GPC6: variants seen among roughly 807,000 people sequenced by gnomAD.
GPC6 encodes the protein glypican 6.
GPC6 carries 14 observed loss-of-function variants against 55.2 expected under a neutral mutation model. The ratio of observed to expected loss-of-function variants is 0.25; its 90% confidence interval spans 0.17 to 0.40. GPC6 has a LOEUF of 0.40. Among genes scored for constraint, GPC6 ranks in the 10% least tolerant of loss-of-function variants. The probability of loss-of-function intolerance (pLI) is 1.00; values close to 1 mark genes in which losing one functional copy is unlikely to be tolerated. For synonymous variants in GPC6, 278 were observed against 259.6 expected (o/e 1.07, Z -0.68); for missense variants, 641 against 708.5 (o/e 0.90, Z 1.08).
intron 4 of GPC6, among the ~76,000 whole-genome samples, chr13:94,083,332 A>T (rs146934012): frequency 2.0e-5 from 3 of 152,164 alleles, no homozygotes; most frequent in Admixed American, 6.5e-5. Flanking sequence ...GTTAGCCAGG[A>T]TGGTCTCGAT....
chr13:94,227,048 GT>G (rs1232146066), intron 4 of GPC6, among the ~76,000 whole-genome samples: 2 of 152,162 alleles, frequency 1.3e-5, no homozygotes, highest in Non-Finnish European at 2.9e-5. Flanking sequence ...AATTCTCTGC[GT>G]GTCTACCTCC....
rs563159182 is a variant in GPC6, at chr13:93,805,046, ATTCT to A, written c.320-25101_320-25098del. On this transcript the variant is annotated intron_variant, in intron 2 of 8. Coordinates refer to ENST00000377047, the MANE Select transcript of GPC6 (RefSeq NM_005708.5). ...TACCTAGTAAGTACTTTAAAAATTT[ATTCT>A]TTCTTTAACAAAAAATTATAGCCAC... Among the ~76,000 whole-genome samples the A allele has an allele frequency of 3.2e-3, 486 of 152,324 alleles. 7 individuals carry two copies. The highest frequency in any genetic ancestry group is 0.011 in the African/African-American group (470 of 41,576).
chr13:94,191,399 C>T (rs1002234338), intron 4 of GPC6, among the ~76,000 whole-genome samples: 1 of 152,058 alleles, frequency 6.6e-6, no homozygotes, highest in Non-Finnish European at 1.5e-5. Flanking sequence ...TGTCTTGAGC[C>T]AGTGTCAAGT....
chr13:93,496,590 G>A (rs907229612), intron 1 of GPC6, among the ~76,000 whole-genome samples: 1 of 152,148 alleles, frequency 6.6e-6, no homozygotes, highest in Non-Finnish European at 1.5e-5. Context: ...AAATTTTAAA[G>A]CCTGGGGTTT....
At chr13:93,782,865 G>A (rs1885699465) in intron 2 of GPC6, among the ~76,000 whole-genome samples, 1 of 151,972 alleles carries the variant, frequency 6.6e-6, no homozygotes, top group African/African-American at 2.4e-5. Context: ...TAAGTTCTGG[G>A]TACATGAACA....
intron 3 of GPC6, among the ~76,000 whole-genome samples, chr13:93,861,841 A>G (rs1888822531): frequency 6.6e-6 from 1 of 151,664 alleles, no homozygotes; most frequent in Admixed American, 6.6e-5. Flanking sequence ...ACGTTATTTT[A>G]CATCTTCTGT....
At position 93,780,594 on chromosome 13, in the gene GPC6, TACACACACACAC is replaced by T. The variant is rs35134947; in HGVS notation, c.320-49534_320-49523del. On this transcript the variant is annotated intron_variant, in intron 2 of 8. Coordinates refer to ENST00000377047, the MANE Select transcript of GPC6 (RefSeq NM_005708.5). Reference sequence around the variant, plus strand: ...ACTTTATGGTTCACGATCACAAAAATACACACACACACACACACACACACACACACACACACA... The same window carrying T: ...ACTTTATGGTTCACGATCACAAAAATACACACACACACACACACACACACA... Among the ~76,000 whole-genome samples the T allele has an allele frequency of 1.0e-3, 147 of 143,932 alleles. 5 individuals carry two copies. The South Asian group carries it at 0.032, about 31-fold the overall frequency. 94.4% of individuals were successfully genotyped at this position (143,932 alleles called of 152,430 possible).
At chr13:93,330,672 C>T (rs547282826) in intron 1 of GPC6, among the ~76,000 whole-genome samples, 1 of 152,328 alleles carries the variant, frequency 6.6e-6, no homozygotes, top group East Asian at 1.9e-4. Flanking sequence ...ACCCCAGCTC[C>T]TTTCTTCCCA....
At chr13:94,090,619 G>C (rs1885446180) in intron 4 of GPC6, among the ~76,000 whole-genome samples, 1 of 152,024 alleles carries the variant, frequency 6.6e-6, no homozygotes, top group South Asian at 2.1e-4. Flanking sequence ...GTATAAACTT[G>C]TACAGTTTTA....
rs114782883 is a variant in GPC6 at position 93,793,439 on chromosome 13, A to G, written c.320-36715A>G. Among the ~76,000 whole-genome samples the G allele has an allele frequency of 4.3e-3, 653 of 152,220 alleles. 4 individuals are homozygous for G. The highest frequency in any genetic ancestry group is 0.015 in the African/African-American group (604 of 41,514). ...AAACAAACAGATTTAAATAAATTTT[A>G]AAGCCCCTTGCCTTGAAATATATTT... On this transcript the variant is annotated intron_variant, in intron 2 of 8. Transcript: ENST00000377047.
chr13:94,116,527 G>A (rs1886434629), intron 4 of GPC6, among the ~76,000 whole-genome samples: 1 of 152,030 alleles, frequency 6.6e-6, no homozygotes, highest in South Asian at 2.1e-4. Context: ...TAATAAATAT[G>A]ACCATGTATG....
chr13:93,690,538 G>T (rs1566488739), intron 2 of GPC6, among the ~76,000 whole-genome samples: 2 of 149,906 alleles, frequency 1.3e-5, no homozygotes, highest in African/African-American at 2.5e-5. Flanking sequence ...TTTAATGTTT[G>T]CCATGCCTCC....
chr13:93,572,058 G>A (rs1253247739), intron 2 of GPC6, among the ~76,000 whole-genome samples: 2 of 152,102 alleles, frequency 1.3e-5, no homozygotes, highest in Non-Finnish European at 2.9e-5. Flanking sequence ...AGCTCAATCT[G>A]AGCTTACATC....
chr13:93,708,955 C>T (rs1882951473), intron 2 of GPC6, among the ~76,000 whole-genome samples: 1 of 151,712 alleles, frequency 6.6e-6, no homozygotes, highest in African/African-American at 2.4e-5. Context: ...GAGAAAAGGG[C>T]AGAGTTTGAG....
At chr13:93,736,844 C>T (rs1182272886) in intron 2 of GPC6, among the ~76,000 whole-genome samples, 1 of 152,122 alleles carries the variant, frequency 6.6e-6, no homozygotes, top group Non-Finnish European at 1.5e-5. Flanking sequence ...ACAAAATACA[C>T]TGTTAAGGTT....
rs116282752 is a variant in GPC6 at position 94,175,142 on chromosome 13, A to C, written c.878-111207A>C. Among the ~76,000 whole-genome samples the C allele has an allele frequency of 8.1e-3, 1,227 of 152,242 alleles. 18 individuals carry two copies. Among genetic ancestry groups the C allele is most frequent in the African/African-American group, 0.026 (1,082 of 41,540 alleles). On this transcript the variant is annotated intron_variant, in intron 4 of 8. Coordinates refer to ENST00000377047, the MANE Select transcript of GPC6 (RefSeq NM_005708.5). ...GCTTCTTTCACTCAACATCATATCC[A>C]TGAGATTCATCTCATGTTCTTGCCT...
intron 4 of GPC6, among the ~76,000 whole-genome samples, chr13:94,190,126 C>T (rs896645514): frequency 3.3e-5 from 5 of 151,412 alleles, no homozygotes; most frequent in African/African-American, 4.9e-5. Flanking sequence ...GAGTTCGAGA[C>T]CAGCCTGGCC....
At chr13:93,465,501 G>C (rs1315435505) in intron 1 of GPC6, among the ~76,000 whole-genome samples, 1 of 152,160 alleles carries the variant, frequency 6.6e-6, no homozygotes, top group African/African-American at 2.4e-5. Context: ...TCAACCATAT[G>C]AATCAACCTT....
intron 4 of GPC6, among the ~76,000 whole-genome samples, chr13:94,149,800 T>C (rs575853633): frequency 1.3e-5 from 2 of 152,050 alleles, no homozygotes; most frequent in African/African-American, 4.8e-5. Context: ...AGTCACCCCC[T>C]CCCAGTGTAC....
Sources: gnomAD v4.1 joint callset for allele counts (sites outside exome capture counted in the v4.1 genomes callset) on GRCh38, gnomAD v4.1.1 for gene constraint, MANE v1.5 for transcripts, NCBI Gene and HGNC (gene_info 2026-07-23, HGNC 2026-07-21) for gene names.